GOLIM4: variants seen among roughly 807,000 people sequenced by gnomAD.
GOLIM4 encodes 130 kDa golgi-localized phosphoprotein.
GOLIM4 carries 71 observed loss-of-function variants against 107.4 expected under a neutral mutation model. That is an observed-to-expected ratio of 0.66 (90% CI 0.55 to 0.81). The LOEUF (loss-of-function observed/expected upper bound fraction) is 0.81. Among genes scored for constraint, GOLIM4 ranks in the 30% least tolerant of loss-of-function variants. GOLIM4 has a pLI of 0.00. For synonymous variants in GOLIM4, 327 were observed against 294.8 expected, an observed-to-expected ratio of 1.11 and a Z score of -1.12; for missense variants, 830 against 826.1, an observed-to-expected ratio of 1.00 and a Z score of -0.06.
chr3:168,040,402 A>G (rs766238577), intron 7 of GOLIM4, among the ~76,000 whole-genome samples: 1 of 152,224 alleles, frequency 6.6e-6, no homozygotes, highest in Non-Finnish European at 1.5e-5. Flanking sequence ...GACACAGAAG[A>G]AAAAGTCTGA....
intron 1 of GOLIM4, among the ~76,000 whole-genome samples, chr3:168,072,212 C>T (rs1391819374): frequency 1.3e-5 from 2 of 152,034 alleles, no homozygotes; most frequent in South Asian, 2.1e-4. Context: ...GTATTCATTA[C>T]GGATGCTGTT....
intron 14 of GOLIM4, among the ~76,000 whole-genome samples, chr3:168,021,662 T>TCAAAAAA (rs543010941): frequency 6.6e-6 from 1 of 151,342 alleles, no homozygotes; most frequent in Admixed American, 6.6e-5. Context: ...AGACTCTGTC[T>TCAAAAAA]CAAAAAACAA....
intron 14 of GOLIM4, among the ~76,000 whole-genome samples, chr3:168,023,259 T>C (rs1717812719): frequency 6.6e-6 from 1 of 152,220 alleles, no homozygotes; most frequent in South Asian, 2.1e-4. Context: ...TATCTTTTTC[T>C]TGCCCAATGT....
At chr3:168,060,609 A>G (rs545382881) in intron 1 of GOLIM4, among the ~76,000 whole-genome samples, 8 of 152,354 alleles carry the variant, frequency 5.3e-5, no homozygotes, top group Non-Finnish European at 2.9e-5. Context: ...AGAAAAATCC[A>G]GACAGTGGAT....
chr3:168,064,688 C>G (rs925334571), intron 1 of GOLIM4, among the ~76,000 whole-genome samples: 1 of 151,244 alleles, frequency 6.6e-6, no homozygotes, highest in African/African-American at 2.4e-5. Flanking sequence ...CCTCCCACCT[C>G]GCCCTCCTGA....
At chr3:168,048,127 C>T (rs918727558) in intron 2 of GOLIM4, among the ~76,000 whole-genome samples, 164 bp downstream of exon 2, 1 of 152,154 alleles carries the variant, frequency 6.6e-6, no homozygotes, top group African/African-American at 2.4e-5. Context: ...GGGATTATTG[C>T]ACAATGCATA....
At chr3:168,051,711 C>T (rs1719656733) in intron 1 of GOLIM4, among the ~76,000 whole-genome samples, 1 of 152,186 alleles carries the variant, frequency 6.6e-6, no homozygotes, top group East Asian at 1.9e-4. Flanking sequence ...CTGGACAAGC[C>T]GTCGTTATAA....
intron 12 of GOLIM4, among the ~76,000 whole-genome samples, chr3:168,026,508 T>C (rs1718003171): frequency 1.3e-5 from 2 of 152,146 alleles, no homozygotes; most frequent in Admixed American, 1.3e-4. Context: ...AGGCCAATGT[T>C]TCCCAGCATG....
At chr3:168,038,281 G>A (rs1247567533) in intron 7 of GOLIM4, among the ~76,000 whole-genome samples, 1 of 152,160 alleles carries the variant, frequency 6.6e-6, no homozygotes, top group Non-Finnish European at 1.5e-5. Flanking sequence ...AGATAAATAT[G>A]GAGCAATACA....
At chr3:168,061,855 T>G (rs914739127) in intron 1 of GOLIM4, among the ~76,000 whole-genome samples, 3 of 152,142 alleles carry the variant, frequency 2.0e-5, no homozygotes, top group South Asian at 2.1e-4. Context: ...TGAGTGCCAG[T>G]GATGTTCTGA....
At position 168,012,098 on chromosome 3, in the gene GOLIM4, G is replaced by A. The variant is rs533295001; in HGVS notation, c.1861-1275C>T. ...AGACGATCAAATTACTCTGAGCTAC[G>A]GGAGGACATTCAAACCAAAGGCAAA... is the stretch of plus-strand genomic sequence containing the variant. On this transcript the variant is annotated intron_variant, in intron 14 of 15. Coordinates refer to ENST00000470487, the MANE Select transcript of GOLIM4 (RefSeq NM_014498.5). 8.9e-4 allele frequency among the ~76,000 whole-genome samples: 109 copies of A among 123,042 alleles called. 1 individual carries two copies. Among genetic ancestry groups the A allele is most frequent in the Non-Finnish European group, 1.4e-3 (91 of 65,390 alleles). 80.7% of individuals were successfully genotyped at this position (123,042 alleles called of 152,430 possible). A position where few individuals can be genotyped will look rare whatever the true frequency, so the allele number is the denominator to read the frequency against.
chr3:168,018,103 T>C (rs1286655978), intron 14 of GOLIM4, among the ~76,000 whole-genome samples: 1 of 152,116 alleles, frequency 6.6e-6, no homozygotes, highest in Non-Finnish European at 1.5e-5. Flanking sequence ...TGAACATCGG[T>C]TAAGTATAAT....
intron 2 of GOLIM4, 111 bp from the exon 3 acceptor site, chr3:168,047,110 A>G: frequency 1.8e-6 from 1 of 558,206 alleles, no homozygotes; most frequent in Non-Finnish European, 3.2e-6. Flanking sequence ...TTTAGGTTTA[A>G]AACAATCTAC....
chr3:168,044,801 C>G, intron 4 of GOLIM4, 27 bp downstream of exon 4: 1 of 1,322,470 alleles, frequency 7.6e-7, no homozygotes, highest in East Asian at 2.3e-5. Flanking sequence ...TTCTTTTATT[C>G]ATAAATAACA....
chr3:168,071,012 T>G (rs1159144679), intron 1 of GOLIM4, among the ~76,000 whole-genome samples: 3 of 152,188 alleles, frequency 2.0e-5, no homozygotes, highest in African/African-American at 7.2e-5. Context: ...GGCTGGAAAT[T>G]CACAGTCAAA....
chr3:168,083,938 AAGAT>A (rs1162255209), intron 1 of GOLIM4, among the ~76,000 whole-genome samples: 1 of 152,184 alleles, frequency 6.6e-6, no homozygotes, highest in Admixed American at 6.5e-5. Flanking sequence ...TACCACTTCC[AAGAT>A]TAGGTTATTA....
chr3:168,027,202 C>T (rs1359881580), intron 12 of GOLIM4, among the ~76,000 whole-genome samples: 1 of 152,156 alleles, frequency 6.6e-6, no homozygotes, highest in Non-Finnish European at 1.5e-5. Context: ...CATTGCATAC[C>T]TGAACAACTC....
chr3:168,048,344 C>T lies in GOLIM4; in HGVS notation c.209G>A (p.Arg70Lys). ...QLQVVYEHRS[R>K]LEKSLQKERL... ...TTCTTTTTGCAAGGATTTCTCTAATCTTGATCTGTGTTCATATACAACTGG... is the reference window on the plus strand; with the variant it reads ...TTCTTTTTGCAAGGATTTCTCTAATTTTGATCTGTGTTCATATACAACTGG... Residue 70 changes from arginine (R) to lysine (K), a missense_variant, in exon 2 of 16, where the codon AGA (arginine) becomes AAA (lysine). Coordinates refer to ENST00000470487, the MANE Select transcript of GOLIM4 (RefSeq NM_014498.5). The T allele has an allele frequency of 6.5e-7, 1 of 1,541,038 alleles. No individual in the cohort carries two copies. Among genetic ancestry groups the T allele is most frequent in the Non-Finnish European group, 8.9e-7 (1 of 1,121,254 alleles).
At chr3:168,093,560 A>C (rs899120716) in intron 1 of GOLIM4, among the ~76,000 whole-genome samples, 1 of 152,150 alleles carries the variant, frequency 6.6e-6, no homozygotes, top group Non-Finnish European at 1.5e-5. Context: ...TTAGACGGTA[A>C]ATTTTTCCCT....
Sources: gnomAD v4.1 joint callset for allele counts (sites outside exome capture counted in the v4.1 genomes callset) on GRCh38, gnomAD v4.1.1 for gene constraint, MANE v1.5 for transcripts, NCBI Gene and HGNC (gene_info 2026-07-23, HGNC 2026-07-21) for gene names.